Variants in ACOXL observed in about 807,000 individuals in gnomAD.
ACOXL encodes the protein acyl-coenzyme A oxidase-like protein.
A neutral mutation model predicts 71.9 loss-of-function variants in ACOXL; 70 were observed. That is an observed-to-expected ratio of 0.97 (90% CI 0.80 to 1.19). The LOEUF (loss-of-function observed/expected upper bound fraction) is 1.19, where lower values mean the gene tolerates loss of function less well. Among genes scored for constraint, ACOXL ranks in the 50% most tolerant of loss-of-function variants. The probability of loss-of-function intolerance (pLI) is 0.00; values close to 1 mark genes in which losing one functional copy is unlikely to be tolerated. For synonymous variants in ACOXL, 253 were observed against 281.6 expected, an observed-to-expected ratio of 0.90 and a Z score of 1.02; for missense variants, 703 against 736.3, an observed-to-expected ratio of 0.95 and a Z score of 0.52.
At position 111,063,018 on chromosome 2, in the gene ACOXL, C is replaced by T. The variant is rs558180074; in HGVS notation, c.1440+13730C>T. Among the ~76,000 whole-genome samples the T allele has an allele frequency of 2.0e-5, 3 of 152,214 alleles. No homozygotes were observed. In the South Asian group the frequency reaches 6.2e-4, roughly 32 times the overall value. On this transcript the variant is annotated intron_variant, in intron 16 of 17. Transcript: ENST00000439055. ...TAGTAAGATAATACTAAGGAAAATT[C>T]TATGCCCATAAATTTGACAATTTAG...
chr2:110,859,069 C>T lies in ACOXL; in HGVS notation c.788+17664C>T, dbSNP rs370784230. Among the ~76,000 whole-genome samples the T allele has an allele frequency of 1.4e-4, 21 of 152,322 alleles. No individual in the cohort carries two copies. In the East Asian group the frequency reaches 1.7e-3, roughly 13 times the overall value. Reference sequence around the variant, plus strand: ...CAAAGTTGAATCAGTTATAGCTCTGCGTTTAGGATACGTTCAACCTGAGCT... The same window carrying T: ...CAAAGTTGAATCAGTTATAGCTCTGTGTTTAGGATACGTTCAACCTGAGCT... On this transcript the variant is annotated intron_variant, in intron 10 of 17. Transcript: ENST00000439055.
At chr2:110,922,524 G>A (rs1249786395) in intron 11 of ACOXL, among the ~76,000 whole-genome samples, 1 of 152,136 alleles carries the variant, frequency 6.6e-6, no homozygotes. Context: ...ATAAGAAAGA[G>A]CTGCTATATA....
At chr2:111,102,962 A>G (rs1211155421) in intron 17 of ACOXL, among the ~76,000 whole-genome samples, 1 of 151,626 alleles carries the variant, frequency 6.6e-6, no homozygotes, top group Non-Finnish European at 1.5e-5. Context: ...TCTCTGGGGG[A>G]CTCAAAGTGT....
rs191828112 is a variant in ACOXL, at chr2:111,087,962, C to A, written c.1441-4903C>A. 9.2e-5 allele frequency among the ~76,000 whole-genome samples: 14 copies of A among 152,198 alleles called. No homozygotes were observed. In the East Asian group the frequency reaches 2.7e-3, roughly 29 times the overall value. On this transcript the variant is annotated intron_variant, in intron 16 of 17. Coordinates refer to ENST00000439055, the MANE Select transcript of ACOXL (RefSeq NM_001142807.4). ...AAATTTATAAGACAAAAACAAACAA[C>A]CCCATTGAAGAGTAGGCAAAGAACA...
At chr2:110,893,263 A>C (rs1482970087) in intron 10 of ACOXL, among the ~76,000 whole-genome samples, 2 of 152,182 alleles carry the variant, frequency 1.3e-5, no homozygotes, top group Non-Finnish European at 2.9e-5. Context: ...TCTATAAATA[A>C]GTAAGAAAAA....
chr2:111,088,336 A>T (rs979391532), intron 16 of ACOXL, among the ~76,000 whole-genome samples: 9 of 152,246 alleles, frequency 5.9e-5, no homozygotes, highest in African/African-American at 2.2e-4. Context: ...ATAAGGATAC[A>T]TGCATGCCTG....
At chr2:110,860,206 G>A (rs916000016) in intron 10 of ACOXL, among the ~76,000 whole-genome samples, 20 of 152,168 alleles carry the variant, frequency 1.3e-4, no homozygotes, top group African/African-American at 4.8e-4. Flanking sequence ...TACCTCCTGG[G>A]ATCAAGCAAT....
Position 110,987,144 on chromosome 2 carries a change from C to A in ACOXL, c.1096C>A (p.Gln366Lys). The A allele has an allele frequency of 6.3e-7, 1 of 1,577,152 alleles. No individual in the cohort carries two copies. The change falls in exon 13 of 18, where the codon CAG becomes AAG. Residue 366 changes from glutamine to lysine, a missense_variant. Physicochemically the swap from Gln to Lys is moderately conservative, Grantham distance 53. Transcript: ENST00000439055. Reference sequence around the variant, plus strand: ...GGAACTGCTGGCCCAATACACCAAACAGTATGAAGAAAAACCACTCTTTGG... The same window carrying A: ...GGAACTGCTGGCCCAATACACCAAAAAGTATGAAGAAAAACCACTCTTTGG... The part of the protein sequence containing the change: ...GRELLAQYTK[Q>K]YEEKPLFGLL...
At chr2:110,915,002 A>G (rs72944226) in intron 11 of ACOXL, among the ~76,000 whole-genome samples, 2,785 of 152,320 alleles carry the variant, frequency 0.018, 101 homozygotes, top group African/African-American at 0.064. Flanking sequence ...GTTACAAACA[A>G]TCCAATGACA....
intron 11 of ACOXL, among the ~76,000 whole-genome samples, chr2:110,929,464 G>C (rs374555902): frequency 5.3e-5 from 8 of 152,280 alleles, no homozygotes; most frequent in African/African-American, 1.7e-4. Flanking sequence ...TTTTAAAAGG[G>C]AAACAGTATA....
At chr2:110,979,760 C>T (rs2062620885) in intron 12 of ACOXL, among the ~76,000 whole-genome samples, 1 of 152,132 alleles carries the variant, frequency 6.6e-6, no homozygotes, top group Non-Finnish European at 1.5e-5. Flanking sequence ...TGTAGCACAC[C>T]CGAGACTCAG....
intron 1 of ACOXL, among the ~76,000 whole-genome samples, chr2:110,748,832 C>T (rs566321622): frequency 1.1e-4 from 17 of 152,312 alleles, no homozygotes; most frequent in East Asian, 3.9e-4. Flanking sequence ...GACTGCTTGG[C>T]CGTGGTTTCA....
chr2:110,885,600 G>T (rs1244723338), intron 10 of ACOXL, among the ~76,000 whole-genome samples: 1 of 151,890 alleles, frequency 6.6e-6, no homozygotes, highest in African/African-American at 2.4e-5. Context: ...TGCATTTTTT[G>T]CAAATTCGAC....
At chr2:110,990,766 TTTC>T (rs764980046) in intron 13 of ACOXL, among the ~76,000 whole-genome samples, 25 of 152,240 alleles carry the variant, frequency 1.6e-4, no homozygotes, top group Non-Finnish European at 3.1e-4. Context: ...CGATCATATA[TTTC>T]TTCTTCATTT....
At chr2:110,801,983 A>G (rs951623073) in intron 8 of ACOXL, among the ~76,000 whole-genome samples, 1 of 152,238 alleles carries the variant, frequency 6.6e-6, no homozygotes, top group African/African-American at 2.4e-5. Flanking sequence ...CTCTATGCCC[A>G]TATGTCTAAA....
chr2:110,953,949 G>T (rs779489747), intron 12 of ACOXL, among the ~76,000 whole-genome samples: 6 of 152,192 alleles, frequency 3.9e-5, no homozygotes, highest in Non-Finnish European at 8.8e-5. Flanking sequence ...CCACCAGACC[G>T]CTGCTCCAGT....
chr2:110,846,641 G>GCGCGCACACA (rs148602789), intron 10 of ACOXL, among the ~76,000 whole-genome samples: 8 of 137,928 alleles, frequency 5.8e-5, no homozygotes, highest in Non-Finnish European at 7.8e-5. Context: ...ATGCATACAC[G>GCGCGCACACA]CACACACACA....
At chr2:110,823,655 A>G (rs1688871523) in intron 9 of ACOXL, among the ~76,000 whole-genome samples, 1 of 152,232 alleles carries the variant, frequency 6.6e-6, no homozygotes, top group African/African-American at 2.4e-5. Flanking sequence ...GATTTTAGCC[A>G]TTCAAATAGG....
At chr2:110,824,664 T>A (rs1211791393) in intron 9 of ACOXL, among the ~76,000 whole-genome samples, 2 of 152,234 alleles carry the variant, frequency 1.3e-5, no homozygotes, top group Admixed American at 6.5e-5. Context: ...AAATTTTTGC[T>A]TATTTCTTGT....
Sources: allele counts gnomAD v4.1 joint callset (sites outside exome capture counted in the v4.1 genomes callset), GRCh38; gene constraint gnomAD v4.1.1; transcripts MANE v1.5; gene names NCBI Gene and HGNC (gene_info 2026-07-23, HGNC 2026-07-21).